OSBPL9: variants seen among roughly 807,000 people sequenced by gnomAD.
OSBPL9 encodes oxysterol-binding protein-related protein 9.
Under a neutral mutation model 106.6 loss-of-function variants are expected in OSBPL9, and 40 were observed. The observed-to-expected ratio is 0.38, with a 90% CI of 0.29 to 0.49. The LOEUF (loss-of-function observed/expected upper bound fraction) is 0.49. OSBPL9 is among the 20% of genes least tolerant of loss of function. The pLI, the probability that OSBPL9 is intolerant of heterozygous loss-of-function variation, is 0.97. For synonymous variants in OSBPL9, 269 were observed against 295.4 expected (o/e 0.91, Z 0.92); for missense variants, 609 against 887.2 (o/e 0.69, Z 3.98).
chr1:51,656,581 A>G (rs908239358), intron 2 of OSBPL9, among the ~76,000 whole-genome samples: 32 of 151,696 alleles, frequency 2.1e-4, no homozygotes, highest in Non-Finnish European at 2.1e-4. Flanking sequence ...TAATCCGCAT[A>G]CTTCTAACAG....
chr1:51,686,561 C>T (rs1291443981), intron 3 of OSBPL9, among the ~76,000 whole-genome samples: 3 of 152,196 alleles, frequency 2.0e-5, no homozygotes, highest in African/African-American at 7.2e-5. Flanking sequence ...CACGTTTCTC[C>T]TGTGCTTAGT....
At chr1:51,751,115 TCTCG>T (rs1308857664) in intron 8 of OSBPL9, among the ~76,000 whole-genome samples, 1 of 152,204 alleles carries the variant, frequency 6.6e-6, no homozygotes, top group Non-Finnish European at 1.5e-5. Flanking sequence ...TTTGAGACAG[TCTCG>T]CTCTGTTGCC....
At chr1:51,748,195 A>G (rs1668441445) in intron 6 of OSBPL9, among the ~76,000 whole-genome samples, 174 bp from the exon 7 acceptor site, 2 of 152,234 alleles carry the variant, frequency 1.3e-5, no homozygotes, top group Admixed American at 1.3e-4. Context: ...TTATACAAAT[A>G]ATTGATTTAG....
chr1:51,597,314 A>G (rs1645304491), intron 1 of OSBPL9, among the ~76,000 whole-genome samples: 1 of 152,004 alleles, frequency 6.6e-6, no homozygotes, highest in African/African-American at 2.4e-5. Context: ...GCTGTGTGCT[A>G]AGTTGGGATG....
chr1:51,763,560 G>A (rs1571626445), intron 11 of OSBPL9, among the ~76,000 whole-genome samples: 1 of 152,196 alleles, frequency 6.6e-6, no homozygotes, highest in African/African-American at 2.4e-5. Context: ...TCCCGGGTAG[G>A]ATTTTTCCTG....
At chr1:51,782,755 TTTC>T in intron 17 of OSBPL9, 112 bp downstream of exon 17, 1 of 851,884 alleles carries the variant, frequency 1.2e-6, no homozygotes, top group Non-Finnish European at 1.8e-6. Context: ...TAGCTGTGTG[TTTC>T]TTATTCCCTG....
chr1:51,685,824 C>T (rs996930279), intron 3 of OSBPL9, among the ~76,000 whole-genome samples: 5 of 152,028 alleles, frequency 3.3e-5, no homozygotes, highest in African/African-American at 4.8e-5. Context: ...ACTGATACAG[C>T]GTATAGATTA....
chr1:51,663,515 T>G (rs1251052508), intron 2 of OSBPL9, among the ~76,000 whole-genome samples: 4 of 152,198 alleles, frequency 2.6e-5, no homozygotes, highest in Non-Finnish European at 5.9e-5. Context: ...ATTGGAGGAT[T>G]TACTCCACCT....
chr1:51,520,935 T>C, the OSBPL9 span, among the ~76,000 whole-genome samples: 1 of 152,252 alleles, frequency 6.6e-6, no homozygotes, highest in Non-Finnish European at 1.5e-5. Context: ...AGAGATACTG[T>C]TTTACATTAC....
At chr1:51,518,589 AG>A in the OSBPL9 span, 1 of 152,680 alleles carries the variant, frequency 6.5e-6, no homozygotes, top group Non-Finnish European at 1.5e-5. Context: ...GTAGTTGAGT[AG>A]GATGAGACTT....
At chr1:51,751,073 T>A (rs1157704141) in intron 8 of OSBPL9, among the ~76,000 whole-genome samples, 1 of 152,216 alleles carries the variant, frequency 6.6e-6, no homozygotes, top group Non-Finnish European at 1.5e-5. Flanking sequence ...TCATTTTCTT[T>A]TGAGGCCTGA....
At chr1:51,551,472 C>A in the OSBPL9 span, among the ~76,000 whole-genome samples, 4 of 151,968 alleles carry the variant, frequency 2.6e-5, no homozygotes, top group Non-Finnish European at 4.4e-5. Context: ...TCTCTTAGGT[C>A]CTGTTTAGAA....
chr1:51,694,474 C>T (rs960942984), intron 3 of OSBPL9, among the ~76,000 whole-genome samples: 19 of 152,130 alleles, frequency 1.2e-4, no homozygotes, highest in African/African-American at 2.4e-4. Flanking sequence ...TAGATAACTG[C>T]GAATATTCTT....
At chr1:51,765,289 G>A (rs1051610685) in intron 11 of OSBPL9, among the ~76,000 whole-genome samples, 2 of 152,174 alleles carry the variant, frequency 1.3e-5, no homozygotes, top group Non-Finnish European at 2.9e-5. Context: ...CCCTGACTTA[G>A]GTGGAAAAGA....
the OSBPL9 span, among the ~76,000 whole-genome samples, chr1:51,568,570 G>A: frequency 9.2e-5 from 14 of 152,038 alleles, no homozygotes; most frequent in East Asian, 2.3e-3. Flanking sequence ...TTTTTGAGAC[G>A]GAGTCTCAGA....
intron 1 of OSBPL9, among the ~76,000 whole-genome samples, chr1:51,638,634 C>A (rs1645598483): frequency 6.6e-6 from 1 of 151,924 alleles, no homozygotes; most frequent in African/African-American, 2.4e-5. Flanking sequence ...CTTTGAGAGG[C>A]TGAGGCAGGC....
intron 3 of OSBPL9, among the ~76,000 whole-genome samples, chr1:51,689,160 C>T (rs537512189): frequency 1.5e-4 from 23 of 152,286 alleles, no homozygotes; most frequent in Admixed American, 6.5e-4. Context: ...AGAAAATTCT[C>T]TAAACATTTT....
chr1:51,632,466 G>A (rs150736987), intron 1 of OSBPL9, among the ~76,000 whole-genome samples: 1 of 138,756 alleles, frequency 7.2e-6, no homozygotes, highest in Non-Finnish European at 1.6e-5. Flanking sequence ...GTTCTTTCTG[G>A]GATACACTAG....
At chr1:51,645,828 T>C (rs1305647831) in intron 1 of OSBPL9, among the ~76,000 whole-genome samples, 1 of 152,144 alleles carries the variant, frequency 6.6e-6, no homozygotes, top group Non-Finnish European at 1.5e-5. Context: ...GGTATCCAGC[T>C]TCATTCTTTT....
Sources: allele counts gnomAD v4.1 joint callset (sites outside exome capture counted in the v4.1 genomes callset), GRCh38; gene constraint gnomAD v4.1.1; transcripts MANE v1.5; gene names NCBI Gene and HGNC (gene_info 2026-07-23, HGNC 2026-07-21).